The following FAM107B variants were observed in gnomAD, a reference collection of about 807,000 sequenced individuals.
FAM107B encodes the protein protein FAM107B.
Under a neutral mutation model 31.5 loss-of-function variants are expected in FAM107B, and 21 were observed. The observed-to-expected ratio is 0.67, with a 90% CI of 0.47 to 0.96. The LOEUF (loss-of-function observed/expected upper bound fraction) is 0.96, where lower values mean the gene tolerates loss of function less well. FAM107B is among the 40% of genes least tolerant of loss of function. The pLI is 0.00. For synonymous variants in FAM107B, 157 were observed against 141.5 expected (o/e 1.11, Z -0.78); for missense variants, 452 against 377.1 (o/e 1.20, Z -1.64).
chr10:14,646,697 G>A (rs908227481), intron 2 of FAM107B, among the ~76,000 whole-genome samples: 2 of 151,672 alleles, frequency 1.3e-5, no homozygotes, highest in African/African-American at 4.9e-5. Flanking sequence ...CAGTGGGACT[G>A]CTGGGTCAAA....
intron 2 of FAM107B, among the ~76,000 whole-genome samples, chr10:14,634,870 A>G (rs1158870657): frequency 1.3e-5 from 2 of 152,074 alleles, no homozygotes; most frequent in Non-Finnish European, 2.9e-5. Context: ...CAGGCAGATC[A>G]CTTGTGGTCA....
chr10:14,700,348 G>T (rs748613333), intron 1 of FAM107B, among the ~76,000 whole-genome samples: 9 of 152,290 alleles, frequency 5.9e-5, no homozygotes, highest in South Asian at 2.1e-4. Context: ...GATAACCCCT[G>T]GGCAGGAGAA....
intron 2 of FAM107B, chr10:14,548,423 G>A: frequency 1.0e-6 from 1 of 985,680 alleles, no homozygotes; most frequent in African/African-American, 1.7e-5. Context: ...GGGTGCGTGG[G>A]GCGTAGGTAA....
intron 4 of FAM107B, 93 bp from the exon 5 acceptor site, chr10:14,521,399 T>C (rs994414071): frequency 1.9e-5 from 19 of 995,518 alleles, no homozygotes; most frequent in Non-Finnish European, 2.8e-5. Context: ...ACAACTTTAC[T>C]TCCCCACAGA....
chr10:14,665,286 C>A (rs1854376279), intron 2 of FAM107B, among the ~76,000 whole-genome samples: 1 of 152,164 alleles, frequency 6.6e-6, no homozygotes, highest in Admixed American at 6.5e-5. Context: ...TACCACTTTG[C>A]TGAATCTCTA....
chr10:14,537,624 G>A (rs1847759053), intron 2 of FAM107B, among the ~76,000 whole-genome samples: 1 of 152,062 alleles, frequency 6.6e-6, no homozygotes, highest in Admixed American at 6.5e-5. Context: ...CGGATCATGA[G>A]GTCCAGAGAT....
At chr10:14,767,055 T>TATATATAGAG (rs1440609298) in intron 1 of FAM107B, among the ~76,000 whole-genome samples, 15 of 18,276 alleles carry the variant, frequency 8.2e-4, no homozygotes, top group African/African-American at 9.2e-4. Context: ...TATATATATA[T>TATATATAGAG]AGAGAGAGAG....
chr10:14,738,935 C>G (rs963047880), intron 1 of FAM107B, among the ~76,000 whole-genome samples: 1 of 152,204 alleles, frequency 6.6e-6, no homozygotes, highest in Non-Finnish European at 1.5e-5. Flanking sequence ...AAGGACTCAG[C>G]TGGGCTGTCT....
intron 2 of FAM107B, among the ~76,000 whole-genome samples, chr10:14,581,153 G>A (rs1318321847): frequency 6.6e-6 from 1 of 152,258 alleles, no homozygotes; most frequent in Non-Finnish European, 1.5e-5. Flanking sequence ...TCGGTCTGGT[G>A]CAGTGCTCGG....
At chr10:14,611,491 T>C (rs1422887894) in intron 2 of FAM107B, among the ~76,000 whole-genome samples, 3 of 4,022 alleles carry the variant, frequency 7.5e-4, no homozygotes, top group Non-Finnish European at 1.9e-3. Context: ...GTTTTATATA[T>C]ATATATATAT....
intron 2 of FAM107B, among the ~76,000 whole-genome samples, chr10:14,651,027 C>A (rs751898430): frequency 2.0e-5 from 3 of 152,152 alleles, no homozygotes; most frequent in Non-Finnish European, 4.4e-5. Flanking sequence ...ATAAGCAATG[C>A]TTTATTGGCC....
intron 1 of FAM107B, among the ~76,000 whole-genome samples, chr10:14,718,406 G>A (rs940171690): frequency 2.8e-5 from 4 of 143,656 alleles, no homozygotes; most frequent in Non-Finnish European, 6.0e-5. Flanking sequence ...AAGGAAGAAA[G>A]AAAGAGGAAA....
intron 1 of FAM107B, among the ~76,000 whole-genome samples, chr10:14,763,296 G>A (rs1181695952): frequency 6.6e-6 from 1 of 152,120 alleles, no homozygotes. Flanking sequence ...GACAGATTCT[G>A]GTGACTTTGT....
At chr10:14,684,868 T>C (rs1458413620) in intron 1 of FAM107B, among the ~76,000 whole-genome samples, 1 of 152,024 alleles carries the variant, frequency 6.6e-6, no homozygotes, top group Non-Finnish European at 1.5e-5. Context: ...TCACCCAGGC[T>C]GGAGTGCAGG....
In FAM107B at chr10:14,552,139, C is replaced by T. The variant is rs76569421; in HGVS notation, c.470-21624G>A. Among the ~76,000 whole-genome samples, 261 of 152,226 alleles carry T rather than the reference C, an allele frequency of 1.7e-3. 1 individual carries two copies. Among genetic ancestry groups the T allele is most frequent in the African/African-American group, 5.5e-3 (230 of 41,504 alleles). ...TGATCACATCTACTCTGTGTAATTG[C>T]CTGTGATAACCGGCATGGCTATGTG... On this transcript the variant is annotated intron_variant, in intron 2 of 4. Coordinates refer to ENST00000181796, the MANE Select transcript of FAM107B (RefSeq NM_031453.4).
intron 2 of FAM107B, among the ~76,000 whole-genome samples, chr10:14,577,587 CCT>C (rs1851505302): frequency 1.3e-5 from 2 of 152,118 alleles, no homozygotes; most frequent in Non-Finnish European, 2.9e-5. Context: ...AGTGTTAGCC[CCT>C]GATTTTCAGG....
At chr10:14,544,877 A>G (rs1409357434) in intron 2 of FAM107B, among the ~76,000 whole-genome samples, 1 of 152,230 alleles carries the variant, frequency 6.6e-6, no homozygotes, top group Non-Finnish European at 1.5e-5. Flanking sequence ...TCCAAACAGT[A>G]TGCCCTTTAC....
chr10:14,589,506 A>G (rs1851949626), intron 2 of FAM107B, among the ~76,000 whole-genome samples: 1 of 152,236 alleles, frequency 6.6e-6, no homozygotes, highest in Admixed American at 6.5e-5. Context: ...TTGAAAGGCA[A>G]TGTTTCTGGG....
intron 2 of FAM107B, among the ~76,000 whole-genome samples, chr10:14,666,950 A>C (rs1326123497): frequency 1.3e-5 from 2 of 152,222 alleles, no homozygotes; most frequent in African/African-American, 4.8e-5. Context: ...CTTTGCCAGC[A>C]GCAAACACGT....
Sources: gnomAD v4.1 joint callset for allele counts (sites outside exome capture counted in the v4.1 genomes callset) on GRCh38, gnomAD v4.1.1 for gene constraint, MANE v1.5 for transcripts, NCBI Gene and HGNC (gene_info 2026-07-23, HGNC 2026-07-21) for gene names.